Variants in DLGAP2 observed in about 807,000 individuals in gnomAD.
DLGAP2 encodes DLG associated protein 2, also known as disks large-associated protein 2.
Under a neutral mutation model 100.3 loss-of-function variants are expected in DLGAP2, and 26 were observed. The observed-to-expected ratio is 0.26, with a 90% confidence interval of 0.19 to 0.36. DLGAP2 has a LOEUF of 0.36. Ranked by LOEUF, DLGAP2 falls within the 10% of genes least tolerant of loss-of-function variation. The pLI, the probability that DLGAP2 is intolerant of heterozygous loss-of-function variation, is 1.00. For synonymous variants in DLGAP2, 886 were observed against 630.1 expected, an observed-to-expected ratio of 1.41 and a Z score of -6.08; for missense variants, 1,858 against 1,453.2, an observed-to-expected ratio of 1.28 and a Z score of -4.53.
In DLGAP2 at chr8:1,568,524, G is replaced by C. The variant is rs112049325; in HGVS notation, c.1442+2630G>C. ...CCCCCATGCCACTGTCCACTCAGCA[G>C]ACACAAATCCACTCTGCCCGTGGCC... On this transcript the variant is annotated intron_variant, in intron 6 of 14. Coordinates refer to ENST00000637795, the MANE Select transcript of DLGAP2 (RefSeq NM_001346810.2). Among the ~76,000 whole-genome samples the C allele has an allele frequency of 8.7e-3, 1,119 of 128,314 alleles. 8 individuals carry two copies. Among genetic ancestry groups the C allele is most frequent in the African/African-American group, 0.029 (896 of 31,336 alleles). The allele number at this position is 128,314 out of a possible 152,430, so 84.2% of individuals were successfully genotyped here. A position where few individuals can be genotyped will look rare whatever the true frequency, so the allele number is the denominator to read the frequency against.
At chr8:1,450,628 C>G (rs1398412833) in intron 3 of DLGAP2, among the ~76,000 whole-genome samples, 3 of 151,708 alleles carry the variant, frequency 2.0e-5, no homozygotes, top group Non-Finnish European at 4.4e-5. Context: ...CCTTTCCAAA[C>G]TTTGTCTTCC....
chr8:1,688,055 C>A (rs1799159235), intron 12 of DLGAP2, among the ~76,000 whole-genome samples: 1 of 152,150 alleles, frequency 6.6e-6, no homozygotes, highest in Admixed American at 6.5e-5. Flanking sequence ...GGATGAGGAG[C>A]TTTCACTGTC....
intron 3 of DLGAP2, among the ~76,000 whole-genome samples, chr8:1,478,225 T>G (rs1405991536): frequency 6.6e-6 from 1 of 152,206 alleles, no homozygotes; most frequent in African/African-American, 2.4e-5. Flanking sequence ...TCCTTCAGAC[T>G]GGGACACTGG....
intron 6 of DLGAP2, among the ~76,000 whole-genome samples, chr8:1,617,522 C>T (rs761562348): frequency 6.6e-6 from 1 of 152,300 alleles, no homozygotes; most frequent in East Asian, 1.9e-4. Flanking sequence ...ACATGTATGT[C>T]TTCGTTTGAA....
At chr8:930,102 C>T (rs1412739515) in intron 2 of DLGAP2, among the ~76,000 whole-genome samples, 1 of 152,152 alleles carries the variant, frequency 6.6e-6, no homozygotes, top group East Asian at 1.9e-4. Context: ...GGGTTGAAGG[C>T]TGAGAATTCT....
At chr8:1,456,956 C>G (rs564877286) in intron 3 of DLGAP2, among the ~76,000 whole-genome samples, 2 of 152,356 alleles carry the variant, frequency 1.3e-5, no homozygotes, top group African/African-American at 4.8e-5. Context: ...CATCACAGCA[C>G]ACTAATGAGC....
intron 3 of DLGAP2, among the ~76,000 whole-genome samples, chr8:1,306,682 C>T (rs971414113): frequency 6.6e-6 from 1 of 152,072 alleles, no homozygotes; most frequent in Non-Finnish European, 1.5e-5. Flanking sequence ...TGGTTAAGTG[C>T]TGGCATAATC....
intron 2 of DLGAP2, among the ~76,000 whole-genome samples, chr8:1,162,235 T>C (rs1796907314): frequency 1.3e-5 from 2 of 152,206 alleles, no homozygotes; most frequent in South Asian, 4.1e-4. Flanking sequence ...AGTGTCGTTA[T>C]TCATTTATTC....
At chr8:1,013,406 C>T (rs946285660) in intron 2 of DLGAP2, among the ~76,000 whole-genome samples, 1 of 152,112 alleles carries the variant, frequency 6.6e-6, no homozygotes, top group Non-Finnish European at 1.5e-5. Flanking sequence ...GGTGTCCTGA[C>T]TCTCTAGGGA....
In DLGAP2 at chr8:849,820, G is replaced by A. The variant is rs187213635; in HGVS notation, c.19-58092G>A. On this transcript the variant is annotated intron_variant, in intron 1 of 14. Transcript: ENST00000637795. ...TGCCCGGGCACGGTGGCTCACACCT[G>A]AAATCCCAGCACTTTGGGAGGCCAA... Among the ~76,000 whole-genome samples, 38 of 152,296 alleles carry A rather than the reference G, an allele frequency of 2.5e-4. No homozygotes were observed. In the East Asian group the frequency reaches 6.8e-3, roughly 27 times the overall value.
In DLGAP2 at chr8:992,748, G is replaced by C. The variant is rs376649320; in HGVS notation, c.73+84782G>C. On this transcript the variant is annotated intron_variant, in intron 2 of 14. Transcript: ENST00000637795. ...CTCTCCCTCCTTGCCTGGACCCCCTGCACCCCCATACTCGGAGTTCCTGTT... is the reference window on the plus strand; with the variant it reads ...CTCTCCCTCCTTGCCTGGACCCCCTCCACCCCCATACTCGGAGTTCCTGTT... 5.2e-3 allele frequency among the ~76,000 whole-genome samples: 2 copies of C among 388 alleles called. 1 individual carries two copies. 0.3% of individuals were successfully genotyped at this position (388 alleles called of 152,430 possible). A position where few individuals can be genotyped will look rare whatever the true frequency, so the allele number is the denominator to read the frequency against.
intron 3 of DLGAP2, among the ~76,000 whole-genome samples, chr8:1,408,110 C>T (rs557501704): frequency 6.6e-6 from 1 of 152,358 alleles, no homozygotes; most frequent in South Asian, 2.1e-4. Context: ...AGCTGGTCTT[C>T]ACTGAGATCA....
chr8:889,546 C>T (rs1004554525), intron 1 of DLGAP2, among the ~76,000 whole-genome samples: 2 of 152,188 alleles, frequency 1.3e-5, no homozygotes, highest in Non-Finnish European at 2.9e-5. Flanking sequence ...GGGTCAGGGT[C>T]GAGCCTGAAG....
At chr8:1,699,648 C>G (rs188748804) in intron 14 of DLGAP2, among the ~76,000 whole-genome samples, 230 of 152,190 alleles carry the variant, frequency 1.5e-3, no homozygotes, top group Admixed American at 2.1e-3. Flanking sequence ...AATGGTTTCT[C>G]GCTGAGGGCA....
At chr8:764,934 G>C (rs1237536294) in intron 1 of DLGAP2, among the ~76,000 whole-genome samples, 1 of 152,220 alleles carries the variant, frequency 6.6e-6, no homozygotes, top group Non-Finnish European at 1.5e-5. Flanking sequence ...GGAGAAAAAT[G>C]AATGATTCCT....
At chr8:1,325,930 C>A (rs1438200996) in intron 3 of DLGAP2, among the ~76,000 whole-genome samples, 1 of 152,142 alleles carries the variant, frequency 6.6e-6, no homozygotes, top group Admixed American at 6.5e-5. Context: ...AACTACAGGT[C>A]TAATCATTAT....
chr8:1,345,309 G>C (rs1460279723), intron 3 of DLGAP2, among the ~76,000 whole-genome samples: 2 of 152,154 alleles, frequency 1.3e-5, no homozygotes, highest in Non-Finnish European at 2.9e-5. Flanking sequence ...TCAGAGCAGA[G>C]TGTGCGGTTG....
intron 1 of DLGAP2, chr8:754,131 G>C (rs1471081918): frequency 6.6e-6 from 1 of 152,274 alleles, no homozygotes; most frequent in Non-Finnish European, 1.5e-5. Context: ...CAGATCAGGT[G>C]CCTTTCCGAG....
chr8:1,246,075 A>G (rs1247793463), intron 2 of DLGAP2, among the ~76,000 whole-genome samples: 1 of 152,240 alleles, frequency 6.6e-6, no homozygotes, highest in Non-Finnish European at 1.5e-5. Context: ...ATATTTTAAT[A>G]CAGAGTAAGC....
Sources: gnomAD v4.1 joint callset for allele counts (sites outside exome capture counted in the v4.1 genomes callset) on GRCh38, gnomAD v4.1.1 for gene constraint, MANE v1.5 for transcripts, NCBI Gene and HGNC (gene_info 2026-07-23, HGNC 2026-07-21) for gene names.